Variants in ERI3 observed in about 807,000 individuals in gnomAD.
ERI3 encodes the protein ERI1 exoribonuclease 3.
ERI3 carries 18 observed loss-of-function variants against 44.4 expected under a neutral mutation model. That is an observed-to-expected ratio of 0.41 (90% confidence interval 0.28 to 0.60). The LOEUF (loss-of-function observed/expected upper bound fraction) is 0.60. Ranked by LOEUF, ERI3 falls within the 20% of genes least tolerant of loss-of-function variation. The probability of loss-of-function intolerance (pLI) is 0.36; values close to 1 mark genes in which losing one functional copy is unlikely to be tolerated. For synonymous variants in ERI3, 183 were observed against 164.8 expected, an observed-to-expected ratio of 1.11 and a Z score of -0.84; for missense variants, 294 against 435.5, an observed-to-expected ratio of 0.68 and a Z score of 2.89.
chr1:44,329,552 C>G (rs900766561), intron 3 of ERI3, among the ~76,000 whole-genome samples: 2 of 152,168 alleles, frequency 1.3e-5, no homozygotes, highest in African/African-American at 4.8e-5. Flanking sequence ...AGACATGTCC[C>G]TGCATTTCCA....
At chr1:44,296,215 C>G (rs1257732657) in intron 6 of ERI3, among the ~76,000 whole-genome samples, 1 of 152,198 alleles carries the variant, frequency 6.6e-6, no homozygotes. Context: ...GAGGAGAAGT[C>G]TCCAGAGCAA....
Position 44,352,093 on chromosome 1 carries a change from G to C in ERI3, c.211+757C>G, listed in dbSNP as rs148404734. Among the ~76,000 whole-genome samples, 84 of 152,234 alleles carry C rather than the reference G, an allele frequency of 5.5e-4. 1 individual carries two copies. The East Asian group carries it at 0.015, about 27-fold the overall frequency. On this transcript the variant is annotated intron_variant, in intron 2 of 8. Coordinates refer to ENST00000372257, the MANE Select transcript of ERI3 (RefSeq NM_024066.3). ...TTCTTGTTCACCACTACAATCCCAG[G>C]AACTAGCACAGTGCCTGGCCCTTAG... is the stretch of plus-strand genomic sequence containing the variant.
chr1:44,328,029 T>G (rs961632337), intron 3 of ERI3, among the ~76,000 whole-genome samples: 1 of 152,100 alleles, frequency 6.6e-6, no homozygotes, highest in Non-Finnish European at 1.5e-5. Context: ...TGCTCAATAA[T>G]CCCCATCCAT....
At chr1:44,223,734 G>A (rs1643962443) in intron 8 of ERI3, among the ~76,000 whole-genome samples, 1 of 152,174 alleles carries the variant, frequency 6.6e-6, no homozygotes, top group Non-Finnish European at 1.5e-5. Flanking sequence ...CATCCAGTGG[G>A]CAAGCACTGT....
intron 4 of ERI3, among the ~76,000 whole-genome samples, chr1:44,313,489 G>A (rs1480232063): frequency 6.6e-6 from 1 of 152,124 alleles, no homozygotes; most frequent in East Asian, 1.9e-4. Flanking sequence ...TCTCACACCT[G>A]TTTCCACAAG....
intron 7 of ERI3, among the ~76,000 whole-genome samples, chr1:44,257,193 A>G (rs1644798726): frequency 6.6e-6 from 1 of 152,198 alleles, no homozygotes; most frequent in Non-Finnish European, 1.5e-5. Context: ...TGTGATATTA[A>G]ATCCATGGTA....
chr1:44,301,097 C>T (rs1014134190), intron 6 of ERI3, among the ~76,000 whole-genome samples: 6 of 152,116 alleles, frequency 3.9e-5, no homozygotes, highest in Non-Finnish European at 8.8e-5. Context: ...AGATTTATAT[C>T]GAGTGACTTG....
In ERI3 at chr1:44,221,658, C is replaced by T. The variant is rs1171927828; in HGVS notation, c.932-18G>A. On this transcript the variant is annotated intron_variant, in intron 8 of 8. Transcript: ENST00000372257. The surrounding 1 kb of genome is among the most constrained non-coding windows in gnomAD (Gnocchi z 5.9). ...GCAGTCGTCTAAAAAGGAGAGAAGA[C>T]ATTTAGATCAGCCCCAGATCCTTCC... 1.3e-6 allele frequency: 2 copies of T among 1,599,946 alleles called. No homozygotes were observed. The highest frequency in any genetic ancestry group is 2.7e-5 in the African/African-American group (2 of 74,564).
chr1:44,319,836 T>C, intron 3 of ERI3, 92 bp from the exon 4 acceptor site: 1 of 977,172 alleles, frequency 1.0e-6, no homozygotes, highest in Admixed American at 1.9e-5. Flanking sequence ...ATGAGTGTTT[T>C]GGATTCATTA....
At chr1:44,284,806 A>G in intron 7 of ERI3, 29 bp downstream of exon 7, 21 of 1,588,610 alleles carry the variant, frequency 1.3e-5, no homozygotes, top group Non-Finnish European at 1.8e-5. Flanking sequence ...CACCAGGGGA[A>G]GCACCCAGTT....
chr1:44,267,516 A>G (rs1432290556), intron 7 of ERI3, among the ~76,000 whole-genome samples: 1 of 152,208 alleles, frequency 6.6e-6, no homozygotes, highest in Non-Finnish European at 1.5e-5. Flanking sequence ...TGGGCATTTT[A>G]TATCTTTTTA....
intron 3 of ERI3, among the ~76,000 whole-genome samples, chr1:44,328,250 C>G (rs1646355991): frequency 8.2e-6 from 1 of 121,746 alleles, no homozygotes; most frequent in South Asian, 3.0e-4. Context: ...GCACTGAACA[C>G]ATTTCTCACA....
intron 7 of ERI3, 75 bp from the exon 8 acceptor site, chr1:44,248,113 C>A (rs373003679): frequency 8.2e-6 from 8 of 973,444 alleles, no homozygotes; most frequent in Non-Finnish European, 1.1e-5. Flanking sequence ...GTCTTCCCCC[C>A]ACCCCCCAAA....
chr1:44,262,718 G>T (rs1343851460), intron 7 of ERI3, among the ~76,000 whole-genome samples: 1 of 152,234 alleles, frequency 6.6e-6, no homozygotes, highest in African/African-American at 2.4e-5. Flanking sequence ...TGAGGACAAT[G>T]CCTTGTGAGG....
intron 3 of ERI3, among the ~76,000 whole-genome samples, chr1:44,327,908 C>T (rs1572290316): frequency 1.3e-5 from 2 of 152,308 alleles, no homozygotes; most frequent in South Asian, 4.1e-4. Context: ...GAAGAAATGG[C>T]GGTGAGTAAC....
At chr1:44,316,658 G>C (rs1646094108) in intron 4 of ERI3, among the ~76,000 whole-genome samples, 1 of 152,106 alleles carries the variant, frequency 6.6e-6, no homozygotes, top group African/African-American at 2.4e-5. Flanking sequence ...CTGATAATCA[G>C]ACCCACTCTT....
In ERI3 at chr1:44,235,352, G is replaced by A. The variant is rs1296201280; in HGVS notation, c.931+12587C>T. Among the ~76,000 whole-genome samples, 1 of 152,064 alleles carries A rather than the reference G, an allele frequency of 6.6e-6. No homozygotes were observed. The highest frequency in any genetic ancestry group is 1.5e-5 in the Non-Finnish European group (1 of 68,028). On this transcript the variant is annotated intron_variant, in intron 8 of 8. Transcript: ENST00000372257. The surrounding 1 kb of genome is among the most constrained non-coding windows in gnomAD (Gnocchi z 4.6). Reference sequence around the variant, plus strand: ...ATTGCCTTCACCTCTCAGGACCCAGGCTTGCTAGTGCTTCCTCTAGGTGCC... The same window carrying A: ...ATTGCCTTCACCTCTCAGGACCCAGACTTGCTAGTGCTTCCTCTAGGTGCC...
At chr1:44,353,783 T>C in intron 1 of ERI3, 1 of 985,456 alleles carries the variant, frequency 1.0e-6, no homozygotes, top group Non-Finnish European at 1.2e-6. Context: ...GAGCTTTTAA[T>C]TTGGAGTGCT....
intron 7 of ERI3, among the ~76,000 whole-genome samples, chr1:44,256,472 C>T (rs1053047411): frequency 2.0e-5 from 3 of 152,226 alleles, no homozygotes; most frequent in African/African-American, 7.2e-5. Context: ...ACAAGCCCAT[C>T]CTCCCTAACC....
Sources: allele counts gnomAD v4.1 joint callset (sites outside exome capture counted in the v4.1 genomes callset), GRCh38; gene constraint gnomAD v4.1.1; non-coding constraint Gnocchi (gnomAD v3.1); transcripts MANE v1.5; gene names NCBI Gene and HGNC (gene_info 2026-07-23, HGNC 2026-07-21).